Variants in ALDH1A2 observed in about 807,000 individuals in gnomAD.
The protein encoded by ALDH1A2 is retinal dehydrogenase 2.
A neutral mutation model predicts 60.3 loss-of-function variants in ALDH1A2; 27 were observed. That is an observed-to-expected ratio of 0.45 (90% CI 0.33 to 0.62). The LOEUF (loss-of-function observed/expected upper bound fraction) is 0.62, where lower values mean the gene tolerates loss of function less well. ALDH1A2 is among the 20% of genes least tolerant of loss of function. ALDH1A2 has a pLI of 0.02. For missense variants in ALDH1A2, 581 were observed against 643.8 expected, an observed-to-expected ratio of 0.90 and a Z score of 1.06; for synonymous variants, 289 against 232.4, an observed-to-expected ratio of 1.24 and a Z score of -2.21.
chr15:58,033,986 C>T (rs1234611014), intron 1 of ALDH1A2, among the ~76,000 whole-genome samples: 1 of 151,384 alleles, frequency 6.6e-6, no homozygotes, highest in African/African-American at 2.4e-5. Flanking sequence ...TTTGCCTTTC[C>T]ATATAAACTT....
At chr15:57,961,335 T>C in intron 10 of ALDH1A2, 41 bp from the exon 11 acceptor site, 1 of 1,605,186 alleles carries the variant, frequency 6.2e-7, no homozygotes, top group South Asian at 1.1e-5. Context: ...TGCTCTGTCA[T>C]TCCTTTACCT....
intron 4 of ALDH1A2, among the ~76,000 whole-genome samples, chr15:58,007,237 A>G (rs1314394531): frequency 6.6e-6 from 1 of 151,998 alleles, no homozygotes; most frequent in Non-Finnish European, 1.5e-5. Flanking sequence ...TTCCCCTAGG[A>G]GCAATAGTTC....
At chr15:57,980,564 G>A (rs1235662442) in intron 7 of ALDH1A2, 4 of 276,910 alleles carry the variant, frequency 1.4e-5, no homozygotes, top group Non-Finnish European at 3.1e-5. Flanking sequence ...CTCCTTCTGG[G>A]GGTCATATTT....
chr15:57,955,088 T>C lies in ALDH1A2; in HGVS notation c.*109A>G. ...TGGCCTACATGTTATCTTTTCAATC[T>C]TTAAGTAAGGACCGTGGCTCAACTT... On this transcript the variant is annotated 3_prime_UTR_variant, in exon 13 of 13. Transcript: ENST00000249750. 1 of 1,209,664 alleles carries C rather than the reference T, an allele frequency of 8.3e-7. No individual in the cohort carries two copies. The allele number at this position is 1,209,664 out of a possible 1,614,324, so 74.9% of individuals were successfully genotyped here. A position where few individuals can be genotyped will look rare whatever the true frequency, so the allele number is the denominator to read the frequency against.
intron 7 of ALDH1A2, among the ~76,000 whole-genome samples, chr15:57,966,116 G>A (rs2140455117): frequency 6.6e-6 from 1 of 152,270 alleles, no homozygotes; most frequent in East Asian, 1.9e-4. Flanking sequence ...AAAGACAACT[G>A]GCAAGAAAAA....
chr15:57,985,999 TA>T (rs1252076912), intron 7 of ALDH1A2, among the ~76,000 whole-genome samples: 1 of 152,122 alleles, frequency 6.6e-6, no homozygotes, highest in African/African-American at 2.4e-5. Context: ...CTGAAGTAAA[TA>T]AAATAGTAAC....
chr15:58,061,666 T>C (rs543990031), intron 1 of ALDH1A2, among the ~76,000 whole-genome samples: 1 of 145,514 alleles, frequency 6.9e-6, no homozygotes, highest in East Asian at 2.0e-4. Flanking sequence ...CACAGACCGT[T>C]AGAAAAAGTG....
At chr15:58,056,789 A>G (rs1486958861) in intron 1 of ALDH1A2, among the ~76,000 whole-genome samples, 1 of 152,084 alleles carries the variant, frequency 6.6e-6, no homozygotes, top group Admixed American at 6.6e-5. Context: ...ACGATGCTCA[A>G]TCTCACAAGA....
At chr15:58,038,386 A>G (rs1896429851) in intron 1 of ALDH1A2, 1 of 151,732 alleles carries the variant, frequency 6.6e-6, no homozygotes, top group Admixed American at 6.6e-5. Flanking sequence ...CACTGCTTTC[A>G]TGTACAGCAT....
rs1899355 is a variant in ALDH1A2 at position 57,994,791 on chromosome 15, T to C, written c.555+287A>G. ...AAGCATTAATTTTCCATAAGCAGAA[T>C]GGACATAATAACCAAGGGCAGGTTA... On this transcript the variant is annotated intron_variant, in intron 5 of 12. Coordinates refer to ENST00000249750, the MANE Select transcript of ALDH1A2 (RefSeq NM_003888.4). Among the ~76,000 whole-genome samples, 64,176 of 151,958 alleles carry C rather than the reference T, an allele frequency of 0.42. 14,510 individuals are homozygous for C. Among genetic ancestry groups the C allele is most frequent in the South Asian group, 0.71 (3,439 of 4,818 alleles).
At chr15:57,968,413 G>T (rs1447618460) in intron 7 of ALDH1A2, among the ~76,000 whole-genome samples, 1 of 152,160 alleles carries the variant, frequency 6.6e-6, no homozygotes, top group Non-Finnish European at 1.5e-5. Context: ...ACTATCTGCA[G>T]GCTGATGCCA....
At chr15:58,061,523 T>C (rs1479108844) in intron 1 of ALDH1A2, among the ~76,000 whole-genome samples, 2 of 141,400 alleles carry the variant, frequency 1.4e-5, no homozygotes, top group Non-Finnish European at 3.0e-5. Context: ...TTAAGAGGGG[T>C]AGACTAGTTC....
rs573020501 is a variant in ALDH1A2, at chr15:58,022,775, T to C, written c.118-8494A>G. ...GTTGTTTACTGCCAAAGAAATCATA[T>C]AGAGACTACACCACTGCATCCACCC... On this transcript the variant is annotated intron_variant, in intron 1 of 12. Coordinates refer to ENST00000249750, the MANE Select transcript of ALDH1A2 (RefSeq NM_003888.4). Among the ~76,000 whole-genome samples, 4 of 152,150 alleles carry C rather than the reference T, an allele frequency of 2.6e-5. No individual in the cohort carries two copies. In the South Asian group the frequency reaches 6.2e-4, roughly 24 times the overall value.
rs149154767 is a variant in ALDH1A2 at position 57,981,549 on chromosome 15, C to G, written c.798+11156G>C. The stretch of plus-strand genomic sequence containing the variant: ...GAACTTTCAAATACATTATTTCAAT[C>G]TTCAAATGAGCCTGTAAGGAGTGAT... On this transcript the variant is annotated intron_variant, in intron 7 of 12. Coordinates refer to ENST00000249750, the MANE Select transcript of ALDH1A2 (RefSeq NM_003888.4). 1.9e-3 allele frequency among the ~76,000 whole-genome samples: 290 copies of G among 152,254 alleles called. 1 individual carries two copies. The highest frequency in any genetic ancestry group is 0.012 in the Admixed American group (183 of 15,294).
rs191581599 is a variant in ALDH1A2, at chr15:58,025,312, A to C, written c.118-11031T>G. Among the ~76,000 whole-genome samples the C allele has an allele frequency of 3.3e-5, 5 of 152,298 alleles. No individual in the cohort carries two copies. In the East Asian group the frequency reaches 9.7e-4, roughly 29 times the overall value. ...CCTAGACTAACCTAAAAAGGAGAAG[A>C]ATCAAACAAAATCAGAATTGAAAAT... On this transcript the variant is annotated intron_variant, in intron 1 of 12. Transcript: ENST00000249750.
chr15:58,012,373 AT>A (rs60695579), intron 3 of ALDH1A2, among the ~76,000 whole-genome samples: 2,537 of 152,324 alleles, frequency 0.017, 70 homozygotes, highest in African/African-American at 0.058. Flanking sequence ...AAAAGGTAAA[AT>A]ACAAGTTTAA....
intron 1 of ALDH1A2, among the ~76,000 whole-genome samples, chr15:58,030,314 A>G (rs1896200507): frequency 6.6e-6 from 1 of 152,236 alleles, no homozygotes; most frequent in Non-Finnish European, 1.5e-5. Flanking sequence ...ATAGATGCAG[A>G]AAAGGCCTTC....
chr15:58,031,700 G>A (rs1896245397), intron 1 of ALDH1A2, among the ~76,000 whole-genome samples: 1 of 152,120 alleles, frequency 6.6e-6, no homozygotes, highest in African/African-American at 2.4e-5. Context: ...GGCAAAGAAT[G>A]AACAGACACT....
intron 1 of ALDH1A2, among the ~76,000 whole-genome samples, chr15:58,048,222 T>C (rs1489640389): frequency 2.0e-5 from 3 of 152,064 alleles, no homozygotes; most frequent in Admixed American, 1.3e-4. Flanking sequence ...AAAATACTAA[T>C]AGAAAGTGAT....
Sources: gnomAD v4.1 joint callset for allele counts (sites outside exome capture counted in the v4.1 genomes callset) on GRCh38, gnomAD v4.1.1 for gene constraint, MANE v1.5 for transcripts, NCBI Gene and HGNC (gene_info 2026-07-23, HGNC 2026-07-21) for gene names.